Variants in FOXP2 observed in about 807,000 individuals in gnomAD.
FOXP2 encodes the protein forkhead box protein P2.
A neutral mutation model predicts 115.8 loss-of-function variants in FOXP2; 12 were observed. The observed-to-expected ratio is 0.10, with a 90% CI of 0.07 to 0.17. The LOEUF is 0.17. FOXP2 is among the 10% of genes least tolerant of loss of function. FOXP2 has a pLI of 1.00. For missense variants in FOXP2, 629 were observed against 843.5 expected, an observed-to-expected ratio of 0.75 and a Z score of 3.15; for synonymous variants, 328 against 297.7, an observed-to-expected ratio of 1.10 and a Z score of -1.05.
chr7:114,257,972 G>T (rs1795664453), intron 1 of FOXP2, among the ~76,000 whole-genome samples: 1 of 152,166 alleles, frequency 6.6e-6, no homozygotes, highest in African/African-American at 2.4e-5. Context: ...ACTCTTATTA[G>T]AATTTCTAGA....
intron 2 of FOXP2, among the ~76,000 whole-genome samples, chr7:114,466,232 T>C (rs1307920272): frequency 2.0e-5 from 3 of 152,180 alleles, no homozygotes. Context: ...GCTGGAAGTT[T>C]GTCTATTCAG....
intron 1 of FOXP2, among the ~76,000 whole-genome samples, chr7:114,194,752 T>G (rs1793858681): frequency 6.6e-6 from 1 of 152,146 alleles, no homozygotes; most frequent in African/African-American, 2.4e-5. Context: ...TCTAACTGTA[T>G]ACAAAATATA....
In FOXP2 at chr7:114,689,934, C is replaced by T; in HGVS notation, c.*8C>T. On this transcript the variant is annotated 3_prime_UTR_variant, in exon 17 of 17. Coordinates refer to ENST00000350908, the MANE Select transcript of FOXP2 (RefSeq NM_014491.4). ...TCTGAAGATCTGGAATGAGAACTGA[C>T]TTGTGAAACCTCAGCGTGAAGGGAC... 1 of 1,612,734 alleles carries T rather than the reference C, an allele frequency of 6.2e-7. No homozygotes were observed. Among genetic ancestry groups the T allele is most frequent in the Non-Finnish European group, 8.5e-7 (1 of 1,179,202 alleles).
At chr7:114,522,385 C>A (rs554457244) in intron 2 of FOXP2, among the ~76,000 whole-genome samples, 1 of 152,214 alleles carries the variant, frequency 6.6e-6, no homozygotes, top group South Asian at 2.1e-4. Context: ...GGATATTCAC[C>A]TTTAAGAACT....
chr7:114,652,248 G>A lies in FOXP2; in HGVS notation c.1140G>A (p.Gln380=), dbSNP rs1806304152. ...EHALDDRSTA[Q]CRVQMQVVQQ... Reference sequence around the variant, plus strand: ...CATTGGATGACCGAAGCACTGCTCAGTGTCGAGTGCAAATGCAGGTGGTGC... The same window carrying A: ...CATTGGATGACCGAAGCACTGCTCAATGTCGAGTGCAAATGCAGGTGGTGC... Residue 380 remains glutamine, a synonymous_variant, in exon 9 of 17, where the codon CAG becomes CAA. Coordinates refer to ENST00000350908, the MANE Select transcript of FOXP2 (RefSeq NM_014491.4). 1 of 1,613,074 alleles carries A rather than the reference G, an allele frequency of 6.2e-7. No homozygotes were observed. The highest frequency in any genetic ancestry group is 1.1e-5 in the South Asian group (1 of 91,062).
intron 1 of FOXP2, among the ~76,000 whole-genome samples, chr7:114,242,208 G>A (rs1481661020): frequency 2.0e-5 from 3 of 151,694 alleles, no homozygotes; most frequent in South Asian, 4.2e-4. Flanking sequence ...TGGTTTGAAG[G>A]ACAGAAGAAA....
intron 3 of FOXP2, among the ~76,000 whole-genome samples, chr7:114,588,349 A>C (rs1174633181): frequency 1.3e-5 from 2 of 151,994 alleles, no homozygotes; most frequent in African/African-American, 4.8e-5. Context: ...AACAAACAAA[A>C]AAACTTTAAA....
intron 2 of FOXP2, among the ~76,000 whole-genome samples, chr7:114,484,226 G>C (rs1458425515): frequency 6.6e-6 from 1 of 151,696 alleles, no homozygotes; most frequent in East Asian, 1.9e-4. Context: ...AGAATTCTCT[G>C]TGATAATCTA....
chr7:114,626,848 C>A (rs888554220), intron 3 of FOXP2, among the ~76,000 whole-genome samples: 1 of 151,628 alleles, frequency 6.6e-6, no homozygotes, highest in Non-Finnish European at 1.5e-5. Flanking sequence ...TTGAAAAACC[C>A]ATTGGTGAAT....
intron 3 of FOXP2, among the ~76,000 whole-genome samples, chr7:114,588,170 G>T (rs559112984): frequency 1.3e-5 from 2 of 151,692 alleles, no homozygotes; most frequent in African/African-American, 4.8e-5. Context: ...ATTAGCCAAG[G>T]ATGATGGTGG....
chr7:114,362,223 C>A (rs1791767205), intron 2 of FOXP2, among the ~76,000 whole-genome samples: 1 of 151,868 alleles, frequency 6.6e-6, no homozygotes, highest in Non-Finnish European at 1.5e-5. Context: ...CTGATGTAAG[C>A]TTACAAAAAT....
chr7:114,146,589 T>A (rs1028128758), intron 1 of FOXP2, among the ~76,000 whole-genome samples: 6 of 152,216 alleles, frequency 3.9e-5, no homozygotes, highest in Non-Finnish European at 7.3e-5. Context: ...CAGAAGAATT[T>A]TATTTTCACA....
chr7:114,145,489 T>TTCTTTTCTTTTCTTG (rs1792346504), intron 1 of FOXP2, among the ~76,000 whole-genome samples: 2 of 138,662 alleles, frequency 1.4e-5, no homozygotes, highest in Non-Finnish European at 3.0e-5. Flanking sequence ...TTCTTTTCTT[T>TTCTTTTCTTTTCTTG]TCTTTTCTTT....
intron 6 of FOXP2, among the ~76,000 whole-genome samples, chr7:114,637,088 A>G (rs1480949169): frequency 1.3e-5 from 2 of 152,066 alleles, no homozygotes; most frequent in African/African-American, 4.8e-5. Flanking sequence ...GAGGCTCAGG[A>G]GGGAAGATCA....
intron 2 of FOXP2, among the ~76,000 whole-genome samples, chr7:114,318,710 CAT>C (rs144291161): frequency 4.8e-4 from 70 of 147,244 alleles, no homozygotes; most frequent in Admixed American, 4.7e-4. Context: ...TTAGATAATT[CAT>C]ATATATATAT....
Position 114,288,110 on chromosome 7 carries a change from G to GT in FOXP2, c.-11+2dup. The GT allele has an allele frequency of 2.2e-6, 1 of 452,828 alleles. No individual in the cohort carries two copies. The allele number at this position is 452,828 out of a possible 1,614,324, so 28.1% of individuals were successfully genotyped here. A position where few individuals can be genotyped will look rare whatever the true frequency, so the allele number is the denominator to read the frequency against. ...CTTGTGGAAGATCTGGAAGAAACAG[G>GT]TAAGTGTCCTTTTGGTAAAAATTCT... On this transcript the variant is annotated splice_donor_variant, in intron 2 of 17. Transcript: ENST00000634411. LOFTEE classifies it low-confidence loss of function (5UTR_SPLICE).
At chr7:114,577,727 G>C (rs189938791) in intron 3 of FOXP2, among the ~76,000 whole-genome samples, 108 of 151,842 alleles carry the variant, frequency 7.1e-4, no homozygotes, top group African/African-American at 2.5e-3. Context: ...TAGTTATAAC[G>C]TTATACTTCA....
chr7:114,681,657 A>G (rs1431618971), intron 16 of FOXP2, among the ~76,000 whole-genome samples: 7 of 152,208 alleles, frequency 4.6e-5, no homozygotes, highest in Non-Finnish European at 1.0e-4. Flanking sequence ...CTGAGACATA[A>G]CCTGGCCATT....
chr7:114,390,075 A>T (rs1792554141), intron 2 of FOXP2, among the ~76,000 whole-genome samples: 1 of 151,708 alleles, frequency 6.6e-6, no homozygotes, highest in African/African-American at 2.4e-5. Context: ...GATTAGTGAC[A>T]GTGAAAGGTT....
Sources: allele counts gnomAD v4.1 joint callset (sites outside exome capture counted in the v4.1 genomes callset), GRCh38; gene constraint gnomAD v4.1.1; transcripts MANE v1.5; gene names NCBI Gene and HGNC (gene_info 2026-07-23, HGNC 2026-07-21).